The following ACOT6 variants were observed in gnomAD, a reference collection of about 807,000 sequenced individuals.
The protein encoded by ACOT6 is acyl-coenzyme A thioesterase 6.
Under a neutral mutation model 12.3 loss-of-function variants are expected in ACOT6, and 14 were observed. The observed-to-expected ratio is 1.14, with a 90% CI of 0.75 to 1.78. The LOEUF (loss-of-function observed/expected upper bound fraction) is 1.78. ACOT6 is among the 40% of genes most tolerant of loss of function. The pLI, the probability that ACOT6 is intolerant of heterozygous loss-of-function variation, is 0.00. For missense variants in ACOT6, 523 were observed against 551.8 expected, an observed-to-expected ratio of 0.95 and a Z score of 0.52; for synonymous variants, 218 against 231.3, an observed-to-expected ratio of 0.94 and a Z score of 0.52.
chr14:73,612,720 C>G lies in ACOT6; in HGVS notation c.149C>G (p.Ala50Gly), dbSNP rs1481689332. The G allele has an allele frequency of 7.3e-6, 10 of 1,377,342 alleles. No homozygotes were observed. The highest frequency in any genetic ancestry group is 1.5e-5 in the African/African-American group (1 of 65,942). 85.3% of individuals were successfully genotyped at this position (1,377,342 alleles called of 1,614,324 possible). A position where few individuals can be genotyped will look rare whatever the true frequency, so the allele number is the denominator to read the frequency against. The change falls in exon 1 of 3, where the codon GCG (alanine) becomes GGG (glycine). Residue 50 changes from alanine (A) to glycine (G), a missense_variant. Ala to Gly is a moderately conservative substitution (Grantham distance 60, BLOSUM62 0). Transcript: ENST00000645972. Reference sequence around the variant, plus strand: ...GAGGGCGCGCTCTTCCGGGCCCACGCGCGCTACCGTGCCGACGCCCGCGAC... The same window carrying G: ...GAGGGCGCGCTCTTCCGGGCCCACGGGCGCTACCGTGCCGACGCCCGCGAC... ...DEEGALFRAH[A>G]RYRADARDEL...
chr14:73,614,285 A>T (rs1306111474), intron 1 of ACOT6, among the ~76,000 whole-genome samples: 3 of 152,204 alleles, frequency 2.0e-5, no homozygotes, highest in African/African-American at 7.2e-5. Flanking sequence ...CTCCAAAACA[A>T]GAAAACTTGC....
upstream of ACOT6, chr14:73,611,093 G>C (rs1890439375): frequency 6.6e-6 from 1 of 152,236 alleles, no homozygotes; most frequent in South Asian, 2.1e-4. Context: ...ATATGAATGT[G>C]TTTTCTCACT....
intron 2 of ACOT6, among the ~76,000 whole-genome samples, 160 bp from the exon 3 acceptor site, chr14:73,619,074 G>A (rs950631229): frequency 2.6e-5 from 4 of 152,144 alleles, no homozygotes; most frequent in Non-Finnish European, 5.9e-5. Flanking sequence ...AGGTTACAGT[G>A]AGCCAAGATT....
intron 1 of ACOT6, among the ~76,000 whole-genome samples, chr14:73,615,115 C>T (rs189642916): frequency 6.0e-5 from 9 of 149,596 alleles, no homozygotes; most frequent in Non-Finnish European, 1.2e-4. Flanking sequence ...CGGCCAGGCG[C>T]GGTGGCTCAC....
rs11844148 is a variant in ACOT6, at chr14:73,614,629, C to T, written c.461+1597C>T. Among the ~76,000 whole-genome samples the T allele has an allele frequency of 2.7e-3, 416 of 151,972 alleles. 2 individuals are homozygous for T. Among genetic ancestry groups the T allele is most frequent in the African/African-American group, 9.6e-3 (400 of 41,466 alleles). On this transcript the variant is annotated intron_variant, in intron 1 of 2. Coordinates refer to ENST00000645972, the MANE Select transcript of ACOT6 (RefSeq NM_001365788.1). ...AGGCATAGTGGCTCACACATGTAGT[C>T]CCAGCTACTAGGGAGGCTGAGGTGG...
rs1298336179 is a variant in ACOT6, at chr14:73,615,403, AAAAACAAAAAAC to A, written c.462-1586_462-1575del. ...CTCTGTCTGATAAAAAAAAAAAAAAAAAAACAAAAAACAAAAAAAACCAGCAACAACGAAAAA... is the reference window on the plus strand; with the variant it reads ...CTCTGTCTGATAAAAAAAAAAAAAAAAAAAAAAACCAGCAACAACGAAAAA... On this transcript the variant is annotated intron_variant, in intron 1 of 2. Transcript: ENST00000645972. Among the ~76,000 whole-genome samples the A allele has an allele frequency of 7.7e-4, 63 of 82,306 alleles. 4 individuals are homozygous for A. The highest frequency in any genetic ancestry group is 1.6e-3 in the African/African-American group (50 of 30,764). 54.0% of individuals were successfully genotyped at this position (82,306 alleles called of 152,430 possible).
At chr14:73,617,729 G>A (rs1375109997) in intron 2 of ACOT6, among the ~76,000 whole-genome samples, 1 of 152,134 alleles carries the variant, frequency 6.6e-6, no homozygotes, top group East Asian at 1.9e-4. Flanking sequence ...GACAACTGGA[G>A]ACATTTGAAT....
chr14:73,614,441 A>G (rs1032721694), intron 1 of ACOT6, among the ~76,000 whole-genome samples: 3 of 152,054 alleles, frequency 2.0e-5, no homozygotes, highest in Non-Finnish European at 4.4e-5. Context: ...TAGGAGCTCA[A>G]TAAATCATAC....
chr14:73,611,996 C>A (rs1383333991), upstream of ACOT6, among the ~76,000 whole-genome samples: 1 of 151,924 alleles, frequency 6.6e-6, no homozygotes, highest in African/African-American at 2.4e-5. Flanking sequence ...GTTTTTGTGC[C>A]TCTATTTCGA....
intron 2 of ACOT6, among the ~76,000 whole-genome samples, chr14:73,617,422 C>T (rs1006003839): frequency 6.6e-6 from 1 of 152,116 alleles, no homozygotes; most frequent in Non-Finnish European, 1.5e-5. Flanking sequence ...CAAGACCAGC[C>T]TGGGCAACAT....
At chr14:73,613,568 A>G (rs1042928292) in intron 1 of ACOT6, among the ~76,000 whole-genome samples, 1 of 152,116 alleles carries the variant, frequency 6.6e-6, no homozygotes, top group Non-Finnish European at 1.5e-5. Flanking sequence ...TATCATAAAC[A>G]TGCTGTACGT....
chr14:73,616,381 G>A (rs1032639712), intron 1 of ACOT6, among the ~76,000 whole-genome samples: 2 of 151,938 alleles, frequency 1.3e-5, no homozygotes, highest in Non-Finnish European at 2.9e-5. Context: ...GCAGTGGTGT[G>A]ACAATAATTT....
chr14:73,611,681 G>A (rs1264690443), upstream of ACOT6: 2 of 152,110 alleles, frequency 1.3e-5, no homozygotes, highest in Non-Finnish European at 2.9e-5. Context: ...CCATTTAATG[G>A]TCACAATAAG....
chr14:73,619,546 G>C lies in ACOT6; in HGVS notation c.973G>C (p.Asp325His), dbSNP rs1890595707. 1 of 1,614,200 alleles carries C rather than the reference G, an allele frequency of 6.2e-7. No individual in the cohort carries two copies. Among genetic ancestry groups the C allele is most frequent in the Non-Finnish European group, 8.5e-7 (1 of 1,180,024 alleles). Residue 325 changes from aspartate to histidine, a missense_variant, in exon 3 of 3, where the codon GAT (aspartate) becomes CAT (histidine). This residue lies in a region of ACOT6 where 219 missense variants were observed against 277.0 expected (regional missense o/e 0.79). Transcript: ENST00000645972. ...QVPFLFIVGM[D>H]DQSWKSEFYA... is the part of the protein sequence containing the mutation. ...GCCCTTCTTGTTTATTGTTGGCATG[G>C]ATGATCAAAGCTGGAAGAGTGAATT...
At chr14:73,613,288 T>C (rs948130117) in intron 1 of ACOT6, among the ~76,000 whole-genome samples, 2 of 152,180 alleles carry the variant, frequency 1.3e-5, no homozygotes, top group Admixed American at 1.3e-4. Flanking sequence ...CTTTCCTTTT[T>C]AAGTTTCACG....
intron 2 of ACOT6, among the ~76,000 whole-genome samples, chr14:73,618,715 T>C (rs575087062): frequency 6.6e-6 from 1 of 152,386 alleles, no homozygotes; most frequent in South Asian, 2.1e-4. Context: ...TGTATACTCC[T>C]GACCCAGTCC....
intron 2 of ACOT6, among the ~76,000 whole-genome samples, chr14:73,617,519 T>C (rs1448311360): frequency 6.6e-6 from 1 of 152,140 alleles, no homozygotes; most frequent in Non-Finnish European, 1.5e-5. Flanking sequence ...CCTGAAGACT[T>C]GACTATTTAG....
At chr14:73,618,092 G>A (rs766824216) in intron 2 of ACOT6, among the ~76,000 whole-genome samples, 8 of 151,920 alleles carry the variant, frequency 5.3e-5, no homozygotes, top group Admixed American at 2.0e-4. Context: ...GCAGTGAGTC[G>A]AGATTACACC....
intron 2 of ACOT6, 28 bp downstream of exon 2, chr14:73,617,220 G>A: frequency 1.2e-6 from 2 of 1,614,130 alleles, no homozygotes; most frequent in South Asian, 2.2e-5. Context: ...CCTGAGTGCA[G>A]AAGAGAGGGG....
Sources: gnomAD v4.1 joint callset for allele counts (sites outside exome capture counted in the v4.1 genomes callset) on GRCh38, gnomAD v4.1.1 for gene constraint, gnomAD v4.1.1 regional missense constraint, MANE v1.5 for transcripts, NCBI Gene and HGNC (gene_info 2026-07-23, HGNC 2026-07-21) for gene names.